Variants in SNAP91 observed in about 807,000 individuals in gnomAD.
SNAP91 encodes the protein synaptosome associated protein 91.
In SNAP91, 27 loss-of-function variants were observed where a neutral mutation model predicts 100.3. That is an observed-to-expected ratio of 0.27 (90% CI 0.20 to 0.37). SNAP91 has a LOEUF of 0.37. Ranked by LOEUF, SNAP91 falls within the 10% of genes least tolerant of loss-of-function variation. The probability of loss-of-function intolerance (pLI) is 1.00; values close to 1 mark genes in which losing one functional copy is unlikely to be tolerated. For missense variants in SNAP91, 986 were observed against 1,123.7 expected, an observed-to-expected ratio of 0.88 and a Z score of 1.75; for synonymous variants, 404 against 398.6, an observed-to-expected ratio of 1.01 and a Z score of -0.16.
Position 83,560,152 on chromosome 6 carries a change from C to T in SNAP91, c.2583G>A (p.Gln861=), listed in dbSNP as rs1386313765. ...MMPQQPVMFA[Q]PMMRPPFGAA... is the part of the protein sequence containing the mutation. ...CTCCAAAGGGGGGCCTCATCATGGG[C>T]TGTGCAAACATGACCGGCTGCTGAG... The change falls in exon 28 of 30, where the codon CAG becomes CAA. Residue 861 remains glutamine, a synonymous_variant. Transcript: ENST00000369694. 6.2e-7 allele frequency: 1 copy of T among 1,613,964 alleles called. No homozygotes were observed. Among genetic ancestry groups the T allele is most frequent in the Non-Finnish European group, 8.5e-7 (1 of 1,179,896 alleles).
At chr6:83,673,240 C>T (rs1562606615) in intron 2 of SNAP91, among the ~76,000 whole-genome samples, 1 of 152,026 alleles carries the variant, frequency 6.6e-6, no homozygotes, top group Non-Finnish European at 1.5e-5. Flanking sequence ...AAATCTACCC[C>T]CAATGTAATG....
chr6:83,559,941 C>G (rs115562514), intron 28 of SNAP91, among the ~76,000 whole-genome samples, 163 bp downstream of exon 28: 2,468 of 152,250 alleles, frequency 0.016, 65 homozygotes, highest in African/African-American at 0.056. Context: ...TTTTTCCCCC[C>G]CAAATCTCAC....
At chr6:83,575,599 A>C (rs1405984851) in intron 25 of SNAP91, 1 of 206,734 alleles carries the variant, frequency 4.8e-6, no homozygotes, top group African/African-American at 2.4e-5. Flanking sequence ...GATATGTCTC[A>C]ATTTCAACGA....
intron 9 of SNAP91, among the ~76,000 whole-genome samples, chr6:83,617,333 T>G (rs1482917380): frequency 6.6e-6 from 1 of 152,022 alleles, no homozygotes; most frequent in African/African-American, 2.4e-5. Flanking sequence ...TGCAGTAAAC[T>G]CAAATCAAGT....
At chr6:83,583,969 T>G (rs73751559) in intron 22 of SNAP91, among the ~76,000 whole-genome samples, 6,784 of 152,230 alleles carry the variant, frequency 0.045, 505 homozygotes, top group African/African-American at 0.15. Context: ...CTACTTTAAG[T>G]GATTTTAGTA....
intron 7 of SNAP91, among the ~76,000 whole-genome samples, chr6:83,653,687 T>C (rs530775876): frequency 6.6e-6 from 1 of 152,318 alleles, no homozygotes; most frequent in African/African-American, 2.4e-5. Context: ...TTGATAGCTG[T>C]ACATGATGTA....
intron 29 of SNAP91, among the ~76,000 whole-genome samples, chr6:83,555,612 A>G (rs186917316): frequency 6.6e-6 from 1 of 152,352 alleles, no homozygotes; most frequent in African/African-American, 2.4e-5. Context: ...TAACTTCAGC[A>G]TGAGTCATTT....
In SNAP91 at chr6:83,560,938, C is replaced by T. The variant is rs772647938; in HGVS notation, c.2452G>A (p.Val818Ile). 1.9e-6 allele frequency: 3 copies of T among 1,606,686 alleles called. No individual in the cohort carries two copies. The highest frequency in any genetic ancestry group is 3.4e-5 in the Admixed American group (2 of 57,998). The change falls in exon 27 of 30, where the codon GTA (valine) becomes ATA (isoleucine). Residue 818 changes from valine (V) to isoleucine (I), a missense_variant. Val to Ile is a conservative substitution (Grantham distance 29, BLOSUM62 3). This residue lies in a region of SNAP91 where 575 missense variants were observed against 579.9 expected (regional missense o/e 0.99). Transcript: ENST00000369694. ...VPPSAPLQGAVPPTSSVPPVA... is the reference protein window; with the variant it reads ...VPPSAPLQGAIPPTSSVPPVA... ...GGAGGAACTGAACTGGTTGGAGGTACAGCTCCTTGCTACACAGATAGACAG... is the reference window on the plus strand; with the variant it reads ...GGAGGAACTGAACTGGTTGGAGGTATAGCTCCTTGCTACACAGATAGACAG...
Position 83,674,115 on chromosome 6 carries a change from T to C in SNAP91, c.131-8534A>G, listed in dbSNP as rs77233715. Among the ~76,000 whole-genome samples, 1,433 of 152,292 alleles carry C rather than the reference T, an allele frequency of 9.4e-3. 25 individuals carry two copies. The highest frequency in any genetic ancestry group is 0.032 in the African/African-American group (1,340 of 41,558). On this transcript the variant is annotated intron_variant, in intron 2 of 29. Coordinates refer to ENST00000369694, the MANE Select transcript of SNAP91 (RefSeq NM_001242792.2). The stretch of plus-strand genomic sequence containing the variant: ...AATCAAACCCTGGAAGTACCCTTGC[T>C]GGGAACTTCTTGTTAAGAAAGACAG...
At chr6:83,643,321 A>C (rs893071256) in intron 7 of SNAP91, among the ~76,000 whole-genome samples, 1 of 152,176 alleles carries the variant, frequency 6.6e-6, no homozygotes, top group South Asian at 2.1e-4. Context: ...TTATGGTTTT[A>C]GGTCTAACAT....
chr6:83,567,981 C>T (rs1210795375), intron 26 of SNAP91, among the ~76,000 whole-genome samples: 1 of 151,708 alleles, frequency 6.6e-6, no homozygotes, highest in East Asian at 1.9e-4. Flanking sequence ...TTGACCCAGC[C>T]ATCCCATTAC....
At chr6:83,673,893 T>C (rs1413983589) in intron 2 of SNAP91, among the ~76,000 whole-genome samples, 4 of 152,198 alleles carry the variant, frequency 2.6e-5, no homozygotes, top group African/African-American at 9.7e-5. Flanking sequence ...TAAACAGTTG[T>C]TATTAATATA....
intron 2 of SNAP91, among the ~76,000 whole-genome samples, chr6:83,695,041 G>T (rs2099181383): frequency 6.6e-6 from 1 of 152,044 alleles, no homozygotes; most frequent in African/African-American, 2.4e-5. Flanking sequence ...GGAGGCCGAG[G>T]TGGGCGGATC....
intron 20 of SNAP91, 58 bp from the exon 21 acceptor site, chr6:83,592,596 G>T: frequency 2.2e-6 from 3 of 1,372,044 alleles, no homozygotes; most frequent in Non-Finnish European, 3.1e-6. Context: ...AGAAAACCAT[G>T]AGCCTTGACA....
At chr6:83,635,225 C>G (rs2097381529) in intron 8 of SNAP91, among the ~76,000 whole-genome samples, 1 of 152,080 alleles carries the variant, frequency 6.6e-6, no homozygotes, top group Non-Finnish European at 1.5e-5. Flanking sequence ...CTGTCTAATG[C>G]TTTCAGTGGG....
At chr6:83,647,186 C>T (rs1364892411) in intron 7 of SNAP91, among the ~76,000 whole-genome samples, 1 of 151,934 alleles carries the variant, frequency 6.6e-6, no homozygotes, top group African/African-American at 2.4e-5. Flanking sequence ...CTTTCATCTC[C>T]GTTTCTTGTC....
intron 2 of SNAP91, among the ~76,000 whole-genome samples, chr6:83,682,586 TTTTA>T (rs2099005301): frequency 6.6e-6 from 1 of 151,728 alleles, no homozygotes; most frequent in South Asian, 2.1e-4. Context: ...AATTTTTTTA[TTTTA>T]TTATTATTAT....
chr6:83,561,888 T>G (rs1788429844), intron 26 of SNAP91, among the ~76,000 whole-genome samples: 1 of 152,192 alleles, frequency 6.6e-6, no homozygotes, highest in Non-Finnish European at 1.5e-5. Context: ...GGCCTAATTT[T>G]TGGTGGTGTG....
At chr6:83,690,590 A>G (rs914391940) in intron 2 of SNAP91, among the ~76,000 whole-genome samples, 1 of 152,138 alleles carries the variant, frequency 6.6e-6, no homozygotes, top group Non-Finnish European at 1.5e-5. Context: ...CTAAAATCGG[A>G]TGCATTTCCA....
Sources: gnomAD v4.1 joint callset for allele counts (sites outside exome capture counted in the v4.1 genomes callset) on GRCh38, gnomAD v4.1.1 for gene constraint, gnomAD v4.1.1 regional missense constraint, MANE v1.5 for transcripts, NCBI Gene and HGNC (gene_info 2026-07-23, HGNC 2026-07-21) for gene names.